The following TAF3 variants were observed in gnomAD, a reference collection of about 807,000 sequenced individuals.
The protein encoded by TAF3 is TATA-box binding protein associated factor 3, also known as transcription initiation factor TFIID subunit 3.
In TAF3, 7 loss-of-function variants were observed where a neutral mutation model predicts 80.6. That is an observed-to-expected ratio of 0.09 (90% CI 0.05 to 0.16). The LOEUF is 0.16. Ranked by LOEUF, TAF3 falls within the 10% of genes least tolerant of loss-of-function variation. The pLI is 1.00. For missense variants in TAF3, 921 were observed against 1,140.2 expected, an observed-to-expected ratio of 0.81 and a Z score of 2.77; for synonymous variants, 444 against 446.1, an observed-to-expected ratio of 1.00 and a Z score of 0.06.
chr10:7,963,659 G>A (rs1274063046), intron 2 of TAF3, among the ~76,000 whole-genome samples: 1 of 152,096 alleles, frequency 6.6e-6, no homozygotes, highest in Non-Finnish European at 1.5e-5. Context: ...GCACCTGTTG[G>A]GAGGTCGGGG....
chr10:7,945,467 C>A (rs1838015375), intron 2 of TAF3, among the ~76,000 whole-genome samples: 1 of 152,180 alleles, frequency 6.6e-6, no homozygotes, highest in South Asian at 2.1e-4. Context: ...TAAGACCTTT[C>A]CTCAGCTTTC....
chr10:7,861,317 A>G (rs974841170), intron 2 of TAF3, among the ~76,000 whole-genome samples: 2 of 152,040 alleles, frequency 1.3e-5, no homozygotes, highest in Non-Finnish European at 2.9e-5. Context: ...TATCTTGGCC[A>G]GGCTGGTCTT....
chr10:7,827,779 C>CAAAAA (rs71515491), intron 2 of TAF3, among the ~76,000 whole-genome samples: 1 of 94,938 alleles, frequency 1.1e-5, no homozygotes, highest in Non-Finnish European at 2.2e-5. Context: ...GACTCTGTCT[C>CAAAAA]AAAAAAAAAA....
intron 2 of TAF3, among the ~76,000 whole-genome samples, chr10:7,829,410 C>CT (rs1416257785): frequency 1.1e-4 from 16 of 152,134 alleles, no homozygotes; most frequent in Non-Finnish European, 1.5e-5. Context: ...TCCAGGATAT[C>CT]ATATTGTGTT....
Position 7,937,829 on chromosome 10 carries a change from CT to C in TAF3, c.410-26084del, listed in dbSNP as rs560672305. Reference sequence around the variant, plus strand: ...TTTATTCTTAGCTAGAAAAGGGGTACTTTTTTTATGCTCTTTTGTAGAAGTG... The same window carrying C: ...TTTATTCTTAGCTAGAAAAGGGGTACTTTTTTATGCTCTTTTGTAGAAGTG... On this transcript the variant is annotated intron_variant, in intron 2 of 6. Transcript: ENST00000344293. Among the ~76,000 whole-genome samples the C allele has an allele frequency of 2.3e-3, 357 of 152,240 alleles. 1 individual carries two copies. Among genetic ancestry groups the C allele is most frequent in the Non-Finnish European group, 3.7e-3 (249 of 68,008 alleles).
At chr10:7,936,087 A>G (rs1564366787) in intron 2 of TAF3, among the ~76,000 whole-genome samples, 1 of 152,098 alleles carries the variant, frequency 6.6e-6, no homozygotes, top group Non-Finnish European at 1.5e-5. Context: ...TAAAACAGAG[A>G]GAAGACGTGA....
At chr10:7,878,664 C>T (rs1205645279) in intron 2 of TAF3, among the ~76,000 whole-genome samples, 1 of 152,034 alleles carries the variant, frequency 6.6e-6, no homozygotes, top group Non-Finnish European at 1.5e-5. Flanking sequence ...AATTCCCTCT[C>T]TAGATGCACT....
chr10:7,936,151 G>C (rs909719910), intron 2 of TAF3, among the ~76,000 whole-genome samples: 1 of 152,112 alleles, frequency 6.6e-6, no homozygotes, highest in African/African-American at 2.4e-5. Context: ...CAAGGAAGAC[G>C]GGCCCTGAAG....
chr10:7,866,181 G>T (rs1403978721), intron 2 of TAF3, among the ~76,000 whole-genome samples: 1 of 152,198 alleles, frequency 6.6e-6, no homozygotes, highest in Non-Finnish European at 1.5e-5. Context: ...ATTAGCAAAT[G>T]GAATGAAATT....
At position 8,009,074 on chromosome 10, in the gene TAF3, A is replaced by T; in HGVS notation, c.2316-4A>T. ...ACTTTTACCTTCTCTTCTTTTGTTG[A>T]CAGTGTCATCAGCAAGGTGGTCCCT... On this transcript the variant is annotated splice_region_variant and splice_polypyrimidine_tract_variant and intron_variant, in intron 4 of 6. Transcript: ENST00000344293. The surrounding 1 kb of genome is among the most constrained non-coding windows in gnomAD (Gnocchi z 4.1). 1 of 1,599,328 alleles carries T rather than the reference A, an allele frequency of 6.3e-7. No homozygotes were observed. The highest frequency in any genetic ancestry group is 8.5e-7 in the Non-Finnish European group (1 of 1,173,498).
intron 2 of TAF3, among the ~76,000 whole-genome samples, chr10:7,905,074 T>C (rs1474271619): frequency 6.6e-6 from 1 of 152,090 alleles, no homozygotes; most frequent in Non-Finnish European, 1.5e-5. Flanking sequence ...AGGCTCCAAG[T>C]AGTAGGAGGG....
chr10:7,935,637 A>G (rs1837911889), intron 2 of TAF3, among the ~76,000 whole-genome samples: 1 of 152,058 alleles, frequency 6.6e-6, no homozygotes, highest in South Asian at 2.1e-4. Flanking sequence ...GGGCCAGAGA[A>G]TACTGGGGGG....
At chr10:8,005,170 A>G (rs1229576491) in intron 4 of TAF3, among the ~76,000 whole-genome samples, 2 of 152,082 alleles carry the variant, frequency 1.3e-5, no homozygotes, top group African/African-American at 4.8e-5. Flanking sequence ...TTTTTTTAAC[A>G]TTGTAAGCAA....
chr10:7,821,444 A>G (rs938721472), intron 1 of TAF3, among the ~76,000 whole-genome samples: 4 of 152,330 alleles, frequency 2.6e-5, no homozygotes, highest in Non-Finnish European at 5.9e-5. Flanking sequence ...TTACTAAGAT[A>G]CAATCCCTGA....
rs1588349174 is a variant in TAF3, at chr10:8,008,150, G to A, written c.2316-928G>A. 2.1e-5 allele frequency among the ~76,000 whole-genome samples: 3 copies of A among 143,928 alleles called. No individual in the cohort carries two copies. In the East Asian group the frequency reaches 6.2e-4, roughly 30 times the overall value. 94.4% of individuals were successfully genotyped at this position (143,928 alleles called of 152,430 possible). On this transcript the variant is annotated intron_variant, in intron 4 of 6. Coordinates refer to ENST00000344293, the MANE Select transcript of TAF3 (RefSeq NM_031923.4). ...CTCACTCTGTAGCCCAAGCTAGAGT[G>A]CAGTGGCGAGATCTCGGCTCACTGT...
At chr10:7,871,746 C>T (rs567832873) in intron 2 of TAF3, among the ~76,000 whole-genome samples, 50 of 152,120 alleles carry the variant, frequency 3.3e-4, no homozygotes, top group Middle Eastern at 3.4e-3. Context: ...GCCAGGCCAA[C>T]GATTGCTATT....
chr10:7,897,828 T>G (rs1393664839), intron 2 of TAF3, among the ~76,000 whole-genome samples: 1 of 152,042 alleles, frequency 6.6e-6, no homozygotes, highest in African/African-American at 2.4e-5. Flanking sequence ...CCCGGCTAAC[T>G]TTTTGATTTA....
intron 2 of TAF3, among the ~76,000 whole-genome samples, chr10:7,943,206 A>T (rs1237586469): frequency 6.6e-6 from 1 of 152,196 alleles, no homozygotes; most frequent in Non-Finnish European, 1.5e-5. Context: ...GCCTTGAATG[A>T]AACAGGCGCT....
At chr10:7,890,237 T>A (rs2131162408) in intron 2 of TAF3, among the ~76,000 whole-genome samples, 1 of 152,354 alleles carries the variant, frequency 6.6e-6, no homozygotes, top group East Asian at 1.9e-4. Context: ...CATCTCTTCT[T>A]ATCTGCCTGC....
Sources: gnomAD v4.1 joint callset for allele counts (sites outside exome capture counted in the v4.1 genomes callset) on GRCh38, gnomAD v4.1.1 for gene constraint, Gnocchi (gnomAD v3.1) non-coding constraint, MANE v1.5 for transcripts, NCBI Gene and HGNC (gene_info 2026-07-23, HGNC 2026-07-21) for gene names.